ZNF521: variants seen among roughly 807,000 people sequenced by gnomAD.
ZNF521 encodes the protein LYST-interacting protein 3.
ZNF521 carries 14 observed loss-of-function variants against 105.5 expected under a neutral mutation model. The ratio of observed to expected loss-of-function variants is 0.13; its 90% CI spans 0.09 to 0.21. The LOEUF (loss-of-function observed/expected upper bound fraction) is 0.21. Among genes scored for constraint, ZNF521 ranks in the 10% least tolerant of loss-of-function variants. The pLI, the probability that ZNF521 is intolerant of heterozygous loss-of-function variation, is 1.00. For missense variants in ZNF521, 1,233 were observed against 1,629.7 expected, an observed-to-expected ratio of 0.76 and a Z score of 4.19; for synonymous variants, 635 against 606.0, an observed-to-expected ratio of 1.05 and a Z score of -0.70.
intron 3 of ZNF521, among the ~76,000 whole-genome samples, chr18:25,291,814 T>C (rs45491498): frequency 0.061 from 9,364 of 152,264 alleles, 421 homozygotes; most frequent in Non-Finnish European, 0.085. Flanking sequence ...GAAAATAGAA[T>C]TTCTGAGTTT....
chr18:25,097,158 G>A (rs1304404072), intron 5 of ZNF521, among the ~76,000 whole-genome samples: 1 of 151,998 alleles, frequency 6.6e-6, no homozygotes, highest in Non-Finnish European at 1.5e-5. Flanking sequence ...ACATTGGCTC[G>A]CCCTAGAAAC....
intron 3 of ZNF521, among the ~76,000 whole-genome samples, chr18:25,241,524 A>G (rs193255264): frequency 1.5e-4 from 23 of 152,270 alleles, no homozygotes; most frequent in Admixed American, 1.1e-3. Flanking sequence ...AAAGAAATGC[A>G]TGGGTCAGGT....
intron 3 of ZNF521, among the ~76,000 whole-genome samples, chr18:25,231,961 C>T (rs1445850447): frequency 6.6e-6 from 1 of 152,204 alleles, no homozygotes; most frequent in Non-Finnish European, 1.5e-5. Context: ...AAGAAACTGG[C>T]TTAACAATAT....
chr18:25,318,377 A>C (rs2145134422), intron 3 of ZNF521, among the ~76,000 whole-genome samples: 1 of 152,352 alleles, frequency 6.6e-6, no homozygotes, highest in East Asian at 1.9e-4. Flanking sequence ...TTATATCTTA[A>C]GAAGGGCGTG....
At chr18:25,103,541 T>C (rs1379360195) in intron 5 of ZNF521, among the ~76,000 whole-genome samples, 1 of 152,172 alleles carries the variant, frequency 6.6e-6, no homozygotes, top group African/African-American at 2.4e-5. Flanking sequence ...TACTTACGTA[T>C]GGAAAATAGG....
chr18:25,211,595 A>G (rs1033769836), intron 4 of ZNF521, among the ~76,000 whole-genome samples: 1 of 152,058 alleles, frequency 6.6e-6, no homozygotes, highest in Non-Finnish European at 1.5e-5. Context: ...GCGTTTTTCC[A>G]TCAGTTTCTA....
chr18:25,193,037 A>C (rs1056067644), intron 5 of ZNF521, among the ~76,000 whole-genome samples: 2 of 152,124 alleles, frequency 1.3e-5, no homozygotes, highest in Admixed American at 6.6e-5. Context: ...AAGGAATGGA[A>C]TGTGCTTCTC....
chr18:25,074,113 C>T (rs1275962222), intron 7 of ZNF521, among the ~76,000 whole-genome samples: 1 of 152,106 alleles, frequency 6.6e-6, no homozygotes, highest in Non-Finnish European at 1.5e-5. Context: ...TGCCTGTGCG[C>T]ATGTCCATTT....
intron 5 of ZNF521, among the ~76,000 whole-genome samples, chr18:25,128,751 T>TACA (rs1184480874): frequency 2.0e-5 from 3 of 152,016 alleles, no homozygotes; most frequent in Non-Finnish European, 4.4e-5. Flanking sequence ...ATGATATATG[T>TACA]ACAAGGTCTA....
chr18:25,076,860 CCTGGGATGGAAGG>C (rs1372150504), intron 7 of ZNF521, among the ~76,000 whole-genome samples: 2 of 152,230 alleles, frequency 1.3e-5, no homozygotes, highest in Admixed American at 6.5e-5. Context: ...AACACAGAGG[CCTGGGATGGAAGG>C]CTGGGATGGC....
At chr18:25,306,512 T>C (rs11083116) in intron 3 of ZNF521, among the ~76,000 whole-genome samples, 17,648 of 152,202 alleles carry the variant, frequency 0.12, 2,360 homozygotes, top group African/African-American at 0.31. Context: ...CCTGTGAGAC[T>C]AAAGCACCCT....
intron 3 of ZNF521, among the ~76,000 whole-genome samples, chr18:25,254,232 T>C (rs959743559): frequency 6.6e-6 from 1 of 152,060 alleles, no homozygotes; most frequent in Non-Finnish European, 1.5e-5. Context: ...TAAAAATCAA[T>C]GAAGCAAGGT....
intron 5 of ZNF521, among the ~76,000 whole-genome samples, chr18:25,172,013 C>T (rs887197205): frequency 2.6e-5 from 4 of 151,714 alleles, no homozygotes; most frequent in Admixed American, 2.6e-4. Context: ...GATATGATTC[C>T]TGCAGTTCTC....
rs1175859497 is a variant in ZNF521, at chr18:25,179,116, C to CTTTTTTTTTTT, written c.3658+16033_3658+16043dup. 4.0e-4 allele frequency among the ~76,000 whole-genome samples: 21 copies of CTTTTTTTTTTT among 52,482 alleles called. 5 individuals are homozygous for CTTTTTTTTTTT. The highest frequency in any genetic ancestry group is 6.5e-4 in the Admixed American group (2 of 3,098). The allele number at this position is 52,482 out of a possible 152,430, so 34.4% of individuals were successfully genotyped here. A position where few individuals can be genotyped will look rare whatever the true frequency, so the allele number is the denominator to read the frequency against. On this transcript the variant is annotated intron_variant, in intron 5 of 7. Transcript: ENST00000361524. ...GACTTATACTTCTTTTTCTTTATTCCTTTTTTTTTTTTTTTTTTTTTTTTT... is the reference window on the plus strand; with the variant it reads ...GACTTATACTTCTTTTTCTTTATTCCTTTTTTTTTTTTTTTTTTTTTTTTTTTTTTTTTTTT...
At chr18:25,325,721 T>C (rs994508547) in intron 2 of ZNF521, among the ~76,000 whole-genome samples, 1 of 152,214 alleles carries the variant, frequency 6.6e-6, no homozygotes, top group Non-Finnish European at 1.5e-5. Context: ...AAAAGGGTGC[T>C]GTGGGACACT....
chr18:25,205,135 T>G (rs2036056686), intron 4 of ZNF521, among the ~76,000 whole-genome samples: 1 of 78,812 alleles, frequency 1.3e-5, no homozygotes, highest in South Asian at 4.3e-4. Context: ...GATGCCGTAG[T>G]GAAGGTAAAA....
intron 3 of ZNF521, chr18:25,231,328 G>A: frequency 6.6e-6 from 1 of 152,332 alleles, no homozygotes. Flanking sequence ...GTCTGTGTTG[G>A]AGGAGGACAG....
intron 5 of ZNF521, among the ~76,000 whole-genome samples, chr18:25,098,795 A>G (rs1175351942): frequency 1.3e-5 from 2 of 152,168 alleles, no homozygotes; most frequent in Non-Finnish European, 2.9e-5. Context: ...AATACAGGAG[A>G]GTACATTTTT....
At chr18:25,090,961 G>A (rs2033731921) in intron 6 of ZNF521, among the ~76,000 whole-genome samples, 1 of 152,120 alleles carries the variant, frequency 6.6e-6, no homozygotes, top group Non-Finnish European at 1.5e-5. Flanking sequence ...TTGAATGAAG[G>A]AGCCAAACAG....
Sources: allele counts gnomAD v4.1 joint callset (sites outside exome capture counted in the v4.1 genomes callset), GRCh38; gene constraint gnomAD v4.1.1; transcripts MANE v1.5; gene names NCBI Gene and HGNC (gene_info 2026-07-23, HGNC 2026-07-21).